Variants in WDPCP observed in about 807,000 individuals in gnomAD.
WDPCP encodes the protein WD repeat-containing and planar cell polarity effector protein fritz homolog.
In WDPCP, 71 loss-of-function variants were observed where a neutral mutation model predicts 93.1. The observed-to-expected ratio is 0.76, with a 90% CI of 0.63 to 0.93. WDPCP has a LOEUF of 0.93. Ranked by LOEUF, WDPCP falls within the 40% of genes least tolerant of loss-of-function variation. WDPCP has a pLI of 0.00. For synonymous variants in WDPCP, 315 were observed against 315.0 expected, an observed-to-expected ratio of 1.00 and a Z score of 0.00; for missense variants, 844 against 887.4, an observed-to-expected ratio of 0.95 and a Z score of 0.62.
intron 13 of WDPCP, among the ~76,000 whole-genome samples, chr2:63,259,777 G>A (rs530877602): frequency 2.0e-5 from 3 of 152,166 alleles, no homozygotes; most frequent in Non-Finnish European, 2.9e-5. Flanking sequence ...TGCTAAGCAC[G>A]ATACAAGGGA....
intron 14 of WDPCP, among the ~76,000 whole-genome samples, chr2:63,210,444 A>C (rs1410276795): frequency 6.6e-6 from 1 of 152,220 alleles, no homozygotes. Context: ...ACACACATTT[A>C]AAACTCATTT....
chr2:63,702,004 A>G lies in WDPCP; in HGVS notation n.309-51166T>C, dbSNP rs529342935. Among the ~76,000 whole-genome samples, 5 of 152,302 alleles carry G rather than the reference A, an allele frequency of 3.3e-5. No individual in the cohort carries two copies. The East Asian group carries it at 7.7e-4, about 23-fold the overall frequency. ...AAAATAATTAGACGAGAATAATTCA[A>G]TTGTTCCTAGCATAAAGAAAAGACG... On this transcript the variant is annotated intron_variant and non_coding_transcript_variant, in intron 2 of 4. Coordinates refer to the WDPCP transcript ENST00000467687.
At chr2:63,159,614 A>G (rs943229380) in intron 15 of WDPCP, among the ~76,000 whole-genome samples, 1 of 152,152 alleles carries the variant, frequency 6.6e-6, no homozygotes. Context: ...TGTTTTAGCA[A>G]GCAATTATCT....
intron 2 of WDPCP, among the ~76,000 whole-genome samples, chr2:63,756,947 G>A (rs917777265): frequency 6.6e-6 from 1 of 152,062 alleles, no homozygotes; most frequent in African/African-American, 2.4e-5. Context: ...CTCTTGCAGG[G>A]GACATATAAA....
chr2:63,363,967 G>C (rs867128037), intron 12 of WDPCP, among the ~76,000 whole-genome samples: 1 of 152,056 alleles, frequency 6.6e-6, no homozygotes. Flanking sequence ...CTGAGGCCAG[G>C]AGTTCAAGGC....
intron 2 of WDPCP, among the ~76,000 whole-genome samples, chr2:63,668,421 G>T (rs1305502506): frequency 6.6e-6 from 1 of 152,144 alleles, no homozygotes; most frequent in Admixed American, 6.6e-5. Context: ...GTTTTTTCTG[G>T]ATTAGGTTTT....
rs987143451 is a variant in WDPCP at position 63,381,930 on chromosome 2, G to T, written c.1600C>A (p.Gln534Lys). 3.1e-5 allele frequency: 50 copies of T among 1,613,450 alleles called. No individual in the cohort carries two copies. Among genetic ancestry groups the T allele is most frequent in the Non-Finnish European group, 4.2e-5 (50 of 1,179,666 alleles). ...CCTTCTCTCTCTGGAGTGAGCTTCT[G>T]TCTAAGAAGATGGTTTACAATGGCG... Reference protein sequence around the residue: ...MSAIVNHLLRQKLTPEREAQL... With the variant: ...MSAIVNHLLRKKLTPEREAQL... Residue 534 changes from glutamine (Q) to lysine (K), a missense_variant, in exon 11 of 18, where the codon CAG becomes AAG. Coordinates refer to ENST00000272321, the MANE Select transcript of WDPCP (RefSeq NM_015910.7).
At chr2:63,481,360 C>G (rs1011953747) in intron 6 of WDPCP, among the ~76,000 whole-genome samples, 1 of 152,006 alleles carries the variant, frequency 6.6e-6, no homozygotes, top group African/African-American at 2.4e-5. Context: ...AAAAGTGGAA[C>G]TATCATTTGA....
intron 9 of WDPCP, among the ~76,000 whole-genome samples, chr2:63,404,914 A>C (rs933524025): frequency 6.6e-6 from 1 of 152,216 alleles, no homozygotes. Flanking sequence ...CAAGAATTAA[A>C]CTATAAGATT....
At chr2:63,579,092 T>C (rs1209284063) in intron 1 of WDPCP, among the ~76,000 whole-genome samples, 2 of 152,188 alleles carry the variant, frequency 1.3e-5, no homozygotes, top group Non-Finnish European at 2.9e-5. Flanking sequence ...AAAGGGCATC[T>C]TATATCACTT....
chr2:63,568,474 G>A (rs1707241967), intron 1 of WDPCP, among the ~76,000 whole-genome samples: 1 of 152,066 alleles, frequency 6.6e-6, no homozygotes, highest in Non-Finnish European at 1.5e-5. Context: ...TCCCACTGCC[G>A]TAAAGAAATA....
intron 1 of WDPCP, among the ~76,000 whole-genome samples, chr2:63,820,567 C>G (rs1671002660): frequency 6.6e-6 from 1 of 152,180 alleles, no homozygotes; most frequent in Non-Finnish European, 1.5e-5. Context: ...TCTTTAAACA[C>G]ATGGTTCCAA....
intron 14 of WDPCP, among the ~76,000 whole-genome samples, chr2:63,215,672 A>G (rs1677263048): frequency 6.6e-6 from 1 of 152,214 alleles, no homozygotes; most frequent in Admixed American, 6.5e-5. Context: ...TGTCTAAAAC[A>G]CCAAAAGCAA....
chr2:63,161,104 T>C (rs968320047), intron 15 of WDPCP, among the ~76,000 whole-genome samples: 1 of 152,204 alleles, frequency 6.6e-6, no homozygotes, highest in Admixed American at 6.5e-5. Context: ...CCATAGTTAA[T>C]AGATATGGTC....
chr2:63,244,546 C>G (rs1297130952), intron 14 of WDPCP, among the ~76,000 whole-genome samples: 1 of 152,056 alleles, frequency 6.6e-6, no homozygotes, highest in African/African-American at 2.4e-5. Flanking sequence ...TACAACTGAT[C>G]CCATAAAAAT....
intron 13 of WDPCP, among the ~76,000 whole-genome samples, chr2:63,280,399 C>T (rs565748609): frequency 2.6e-5 from 4 of 152,238 alleles, no homozygotes; most frequent in South Asian, 2.1e-4. Context: ...ACAGACCGAC[C>T]CCCATGATTC....
chr2:63,292,769 C>G (rs1476200140), intron 13 of WDPCP, among the ~76,000 whole-genome samples: 1 of 152,182 alleles, frequency 6.6e-6, no homozygotes, highest in Non-Finnish European at 1.5e-5. Flanking sequence ...AATCTGGAAC[C>G]TAAATAATAA....
At chr2:63,476,372 A>G (rs1699972738) in intron 6 of WDPCP, among the ~76,000 whole-genome samples, 1 of 152,182 alleles carries the variant, frequency 6.6e-6, no homozygotes, top group African/African-American at 2.4e-5. Context: ...TAGACACCCT[A>G]TTTAAGTCTC....
At chr2:63,699,033 C>T (rs1669001868) in intron 2 of WDPCP, among the ~76,000 whole-genome samples, 1 of 152,190 alleles carries the variant, frequency 6.6e-6, no homozygotes, top group Non-Finnish European at 1.5e-5. Flanking sequence ...TCTGAGCAAA[C>T]TGGAGAGGGC....
Sources: gnomAD v4.1 joint callset for allele counts (sites outside exome capture counted in the v4.1 genomes callset) on GRCh38, gnomAD v4.1.1 for gene constraint, MANE v1.5 for transcripts, NCBI Gene and HGNC (gene_info 2026-07-23, HGNC 2026-07-21) for gene names.